The following GRK3 variants were observed in gnomAD, a reference collection of about 807,000 sequenced individuals.
The protein encoded by GRK3 is adrenergic, beta, receptor kinase 2.
Under a neutral mutation model 95.7 loss-of-function variants are expected in GRK3, and 54 were observed. The ratio of observed to expected loss-of-function variants is 0.56; its 90% CI spans 0.45 to 0.71. The LOEUF is 0.71. Ranked by LOEUF, GRK3 falls within the 30% of genes least tolerant of loss-of-function variation. The pLI is 0.00. For synonymous variants in GRK3, 281 were observed against 290.8 expected, an observed-to-expected ratio of 0.97 and a Z score of 0.34; for missense variants, 649 against 851.2, an observed-to-expected ratio of 0.76 and a Z score of 2.96.
intron 1 of GRK3, among the ~76,000 whole-genome samples, chr22:25,585,984 A>G (rs1932285827): frequency 6.6e-6 from 1 of 152,286 alleles, no homozygotes; most frequent in Non-Finnish European, 1.5e-5. Context: ...GTGGGTACAG[A>G]TTTAGTATAA....
chr22:25,616,108 GT>G (rs769336780), intron 2 of GRK3, among the ~76,000 whole-genome samples: 4 of 151,940 alleles, frequency 2.6e-5, no homozygotes, highest in Non-Finnish European at 5.9e-5. Flanking sequence ...ACATAGGGAA[GT>G]TTGAGAGTTG....
chr22:25,641,961 A>G (rs1271524861), intron 2 of GRK3, among the ~76,000 whole-genome samples: 1 of 152,254 alleles, frequency 6.6e-6, no homozygotes, highest in Non-Finnish European at 1.5e-5. Flanking sequence ...TCATTTAGAC[A>G]TTTTGAAAAC....
rs369510517 is a variant in GRK3 at position 25,617,164 on chromosome 22, C to T, written c.190+12711C>T. Among the ~76,000 whole-genome samples, 6 of 152,320 alleles carry T rather than the reference C, an allele frequency of 3.9e-5. No individual in the cohort carries two copies. In the East Asian group the frequency reaches 5.8e-4, roughly 15 times the overall value. On this transcript the variant is annotated intron_variant, in intron 2 of 20. Coordinates refer to ENST00000324198, the MANE Select transcript of GRK3 (RefSeq NM_005160.4). Reference sequence around the variant, plus strand: ...TTACCTTATACGATGCACTTACTCTCCAAAGAAATATATATTTTTTTAGTT... The same window carrying T: ...TTACCTTATACGATGCACTTACTCTTCAAAGAAATATATATTTTTTTAGTT...
chr22:25,628,528 C>T lies in GRK3; in HGVS notation c.191-16064C>T, dbSNP rs142760242. Among the ~76,000 whole-genome samples, 357 of 152,276 alleles carry T rather than the reference C, an allele frequency of 2.3e-3. 3 individuals carry two copies. Among genetic ancestry groups the T allele is most frequent in the Middle Eastern group, 0.01 (3 of 294 alleles). On this transcript the variant is annotated intron_variant, in intron 2 of 20. Coordinates refer to ENST00000324198, the MANE Select transcript of GRK3 (RefSeq NM_005160.4). ...GTTATAAAAGAGAATCAAGTAGCTCCTCCTGACTGGTATAGGAAGATCTCC... is the reference window on the plus strand; with the variant it reads ...GTTATAAAAGAGAATCAAGTAGCTCTTCCTGACTGGTATAGGAAGATCTCC...
chr22:25,685,108 TG>T, intron 9 of GRK3, 61 bp from the exon 10 acceptor site: 1 of 1,028,096 alleles, frequency 9.7e-7, no homozygotes, highest in Non-Finnish European at 1.5e-6. Flanking sequence ...TGGTGTTTGG[TG>T]GTAGATGTGC....
chr22:25,567,913 C>T (rs1229255987), intron 1 of GRK3, among the ~76,000 whole-genome samples: 1 of 152,184 alleles, frequency 6.6e-6, no homozygotes, highest in African/African-American at 2.4e-5. Context: ...AACATTCTGC[C>T]CAGGGGAGAT....
Position 25,565,171 on chromosome 22 carries a change from C to G in GRK3, c.113+18C>G. 1.4e-6 allele frequency: 2 copies of G among 1,419,742 alleles called. No homozygotes were observed. Among genetic ancestry groups the G allele is most frequent in the Non-Finnish European group, 9.4e-7 (1 of 1,060,056 alleles). The allele number at this position is 1,419,742 out of a possible 1,614,324, so 87.9% of individuals were successfully genotyped here. On this transcript the variant is annotated intron_variant, in intron 1 of 20. Transcript: ENST00000324198. ...GAGCCCAGGTACCAGCTGCCCCGGC[C>G]GGCGCCGGCCCCAAGCCGCCGCCCC...
intron 2 of GRK3, among the ~76,000 whole-genome samples, chr22:25,606,877 TTA>T (rs1260409844): frequency 6.6e-6 from 1 of 152,256 alleles, no homozygotes; most frequent in Non-Finnish European, 1.5e-5. Flanking sequence ...TCATTAATTT[TTA>T]TCTATAAAAG....
chr22:25,717,921 A>G (rs1287305522), intron 18 of GRK3, among the ~76,000 whole-genome samples: 3 of 152,204 alleles, frequency 2.0e-5, no homozygotes, highest in African/African-American at 4.8e-5. Flanking sequence ...AATACCGTCT[A>G]TTCTCCGGTT....
chr22:25,570,564 A>G (rs1002572757), intron 1 of GRK3, among the ~76,000 whole-genome samples: 1 of 152,230 alleles, frequency 6.6e-6, no homozygotes, highest in Admixed American at 6.5e-5. Flanking sequence ...GTAGGTGAAA[A>G]TGTAGGCTGT....
In GRK3 at chr22:25,689,279, G is replaced by A. The variant is rs577618542; in HGVS notation, c.958-910G>A. 3.9e-5 allele frequency among the ~76,000 whole-genome samples: 6 copies of A among 152,082 alleles called. No homozygotes were observed. The East Asian group carries it at 9.6e-4, about 24-fold the overall frequency. On this transcript the variant is annotated intron_variant, in intron 11 of 20. Transcript: ENST00000324198. ...GCAAAAGAACAAAACACATGCTGAC[G>A]GCCCATGAAGCGCTATTGTAATACA...
intron 1 of GRK3, among the ~76,000 whole-genome samples, chr22:25,569,863 A>G (rs1298426000): frequency 2.0e-5 from 3 of 152,218 alleles, no homozygotes. Flanking sequence ...GGTGAGTTGC[A>G]TTAGCTCCGT....
intron 2 of GRK3, among the ~76,000 whole-genome samples, chr22:25,607,592 T>A (rs964452526): frequency 7.2e-5 from 11 of 152,216 alleles, no homozygotes; most frequent in African/African-American, 2.6e-4. Flanking sequence ...TTATTTATTT[T>A]TTGGGACAGA....
intron 2 of GRK3, among the ~76,000 whole-genome samples, chr22:25,616,049 C>T (rs1385751900): frequency 6.6e-6 from 1 of 150,376 alleles, no homozygotes; most frequent in Non-Finnish European, 1.5e-5. Flanking sequence ...AGTGGCCAGG[C>T]CCTTGAGGCC....
At chr22:25,696,491 T>C (rs1168138215) in intron 13 of GRK3, among the ~76,000 whole-genome samples, 1 of 152,258 alleles carries the variant, frequency 6.6e-6, no homozygotes, top group Admixed American at 6.5e-5. Context: ...TCTAAGACTT[T>C]TAGCCAATTT....
intron 8 of GRK3, among the ~76,000 whole-genome samples, chr22:25,675,974 T>C (rs1273806404): frequency 6.6e-6 from 1 of 152,226 alleles, no homozygotes; most frequent in Non-Finnish European, 1.5e-5. Flanking sequence ...CCACACTTTC[T>C]GCCTTGGACA....
chr22:25,648,210 G>A, intron 3 of GRK3: 1 of 755,646 alleles, frequency 1.3e-6, no homozygotes, highest in Non-Finnish European at 2.4e-6. Context: ...TGATTGGGAT[G>A]AGGTAAGGGG....
At chr22:25,689,853 G>C (rs1360239278) in intron 11 of GRK3, among the ~76,000 whole-genome samples, 1 of 152,184 alleles carries the variant, frequency 6.6e-6, no homozygotes, top group African/African-American at 2.4e-5. Flanking sequence ...GAGGCATGCT[G>C]TTGTGGCTGC....
At chr22:25,635,198 A>T (rs192662604) in intron 2 of GRK3, among the ~76,000 whole-genome samples, 19 of 152,244 alleles carry the variant, frequency 1.2e-4, no homozygotes, top group Admixed American at 8.5e-4. Context: ...GAAAGACTAG[A>T]CACCCCTGCT....
Sources: allele counts gnomAD v4.1 joint callset (sites outside exome capture counted in the v4.1 genomes callset), GRCh38; gene constraint gnomAD v4.1.1; transcripts MANE v1.5; gene names NCBI Gene and HGNC (gene_info 2026-07-23, HGNC 2026-07-21).